MVK: variants seen among roughly 807,000 people sequenced by gnomAD.
MVK encodes the protein LH receptor mRNA-binding protein.
Under a neutral mutation model 43.2 loss-of-function variants are expected in MVK, and 34 were observed. That is an observed-to-expected ratio of 0.79 (90% CI 0.60 to 1.05). MVK has a LOEUF of 1.05. Among genes scored for constraint, MVK ranks in the 50% least tolerant of loss-of-function variants. MVK has a pLI of 0.00. For synonymous variants in MVK, 190 were observed against 219.8 expected (o/e 0.86, Z 1.20); for missense variants, 395 against 504.0 (o/e 0.78, Z 2.07).
chr12:109,574,321 C>G (rs1391274539), intron 1 of MVK, among the ~76,000 whole-genome samples: 1 of 152,152 alleles, frequency 6.6e-6, no homozygotes, highest in Non-Finnish European at 1.5e-5. Flanking sequence ...TTGGAAACAG[C>G]CTAAATGTCC....
At chr12:109,590,338 C>T (rs1001161330) in intron 7 of MVK, 1 of 321,320 alleles carries the variant, frequency 3.1e-6, no homozygotes, top group Non-Finnish European at 6.1e-6. Context: ...GGTTCCGCCA[C>T]CTCCAGGCTC....
chr12:109,592,810 T>G (rs1885741272), intron 9 of MVK, among the ~76,000 whole-genome samples: 1 of 152,180 alleles, frequency 6.6e-6, no homozygotes, highest in African/African-American at 2.4e-5. Flanking sequence ...TCCATCGAAT[T>G]CCTGTGTTTC....
chr12:109,581,793 C>T (rs931582996), intron 5 of MVK, among the ~76,000 whole-genome samples: 2 of 152,200 alleles, frequency 1.3e-5, no homozygotes, highest in African/African-American at 4.8e-5. Flanking sequence ...CACCTCTGCT[C>T]ACCCCCATCT....
chr12:109,580,559 C>T (rs527753907), intron 4 of MVK, among the ~76,000 whole-genome samples: 249 of 152,256 alleles, frequency 1.6e-3, no homozygotes, highest in African/African-American at 5.6e-3. Context: ...TGATACTTGC[C>T]GTCCGAAGCA....
chr12:109,586,504 G>T (rs544166166), intron 6 of MVK, among the ~76,000 whole-genome samples: 2 of 152,318 alleles, frequency 1.3e-5, no homozygotes, highest in South Asian at 4.1e-4. Flanking sequence ...CATGTGGCTT[G>T]TCGGGGGAAG....
intron 8 of MVK, 102 bp downstream of exon 8, chr12:109,590,963 G>T: frequency 8.0e-7 from 1 of 1,254,302 alleles, no homozygotes; most frequent in Non-Finnish European, 1.1e-6. Context: ...TAGGGGGTGT[G>T]GTGGGTGGTG....
At chr12:109,591,467 G>A in intron 9 of MVK, 110 bp downstream of exon 9, 1 of 1,024,712 alleles carries the variant, frequency 9.8e-7, no homozygotes, top group Non-Finnish European at 1.5e-6. Flanking sequence ...GCACATAGAG[G>A]TCAGGACCTG....
At position 109,573,892 on chromosome 12, in the gene MVK, G is replaced by A; in HGVS notation, c.-15+19G>A. ...GCGGCAGGTGAGAGGCCGGGGTCGG[G>A]CGGCCGGGCGGCGCGAGGTCCTAGA... On this transcript the variant is annotated intron_variant, in intron 1 of 10. Coordinates refer to ENST00000228510, the MANE Select transcript of MVK (RefSeq NM_000431.4). 1.0e-5 allele frequency: 2 copies of A among 194,266 alleles called. No individual in the cohort carries two copies. Among genetic ancestry groups the A allele is most frequent in the South Asian group, 1.9e-4 (2 of 10,268 alleles). 12.0% of individuals were successfully genotyped at this position (194,266 alleles called of 1,614,324 possible). A position where few individuals can be genotyped will look rare whatever the true frequency, so the allele number is the denominator to read the frequency against.
intron 9 of MVK, among the ~76,000 whole-genome samples, chr12:109,592,839 C>CT (rs1885742287): frequency 6.6e-6 from 1 of 152,212 alleles, no homozygotes; most frequent in Non-Finnish European, 1.5e-5. Context: ...TTCCCTCAGT[C>CT]TTTGTCTTCC....
rs574045811 is a variant in MVK, at chr12:109,591,304, G to C, written c.832G>C (p.Val278Leu). 3.7e-6 allele frequency: 6 copies of C among 1,614,072 alleles called. No homozygotes were observed. Among genetic ancestry groups the C allele is most frequent in the Non-Finnish European group, 5.1e-6 (6 of 1,180,050 alleles). Residue 278 changes from valine to leucine, a missense_variant, in exon 9 of 11, where the codon GTG becomes CTG. Coordinates refer to ENST00000228510, the MANE Select transcript of MVK (RefSeq NM_000431.4). The part of the protein sequence containing the change: ...IDAISLECER[V>L]LGEMGEAPAP... The stretch of plus-strand genomic sequence containing the variant: ...TGCCATCTCCCTGGAGTGTGAGCGC[G>C]TGCTGGGAGAGATGGGGGAAGCCCC...
chr12:109,585,992 C>T (rs2136236625), intron 5 of MVK, 30 bp from the exon 6 acceptor site: 2 of 1,592,220 alleles, frequency 1.3e-6, no homozygotes, highest in Non-Finnish European at 1.7e-6. Context: ...TCCTCACTGC[C>T]ACAGTAAAGA....
intron 1 of MVK, among the ~76,000 whole-genome samples, chr12:109,574,092 G>A (rs1884801861): frequency 6.6e-6 from 1 of 152,196 alleles, no homozygotes; most frequent in Non-Finnish European, 1.5e-5. Context: ...GATCACGATA[G>A]TACTTAGCTC....
At chr12:109,585,973 C>T (rs377534819) in intron 5 of MVK, 49 bp from the exon 6 acceptor site, 1 of 1,531,086 alleles carries the variant, frequency 6.5e-7, no homozygotes, top group Non-Finnish European at 9.0e-7. Flanking sequence ...GACCCCTCCC[C>T]AGCCCCACTC....
At chr12:109,588,149 G>C (rs1885521125) in intron 7 of MVK, 1 of 152,292 alleles carries the variant, frequency 6.6e-6, no homozygotes, top group Non-Finnish European at 1.5e-5. Context: ...GATCATGTGG[G>C]GGAGTCTCAA....
At position 109,591,298 on chromosome 12, in the gene MVK, G is replaced by C; in HGVS notation, c.826G>C (p.Glu276Gln). Residue 276 changes from glutamate to glutamine, a missense_variant, in exon 9 of 11, where the codon GAG becomes CAG. Glu to Gln is a conservative substitution (Grantham distance 29, BLOSUM62 2). Transcript: ENST00000228510. ...TSIDAISLECERVLGEMGEAP... is the reference protein window; with the variant it reads ...TSIDAISLECQRVLGEMGEAP... ...AATAGATGCCATCTCCCTGGAGTGT[G>C]AGCGCGTGCTGGGAGAGATGGGGGA... 2 of 1,614,218 alleles carry C rather than the reference G, an allele frequency of 1.2e-6. No individual in the cohort carries two copies. Among genetic ancestry groups the C allele is most frequent in the Non-Finnish European group, 1.7e-6 (2 of 1,180,054 alleles).
intron 7 of MVK, 149 bp downstream of exon 7, chr12:109,586,948 G>A (rs1885461056): frequency 1.1e-6 from 1 of 877,030 alleles, no homozygotes; most frequent in Non-Finnish European, 1.8e-6. Context: ...CTAGCTGCAA[G>A]GAAGCAGGGG....
chr12:109,573,622 A>G, upstream of MVK: 1 of 1,004,510 alleles, frequency 1.0e-6, no homozygotes, highest in Non-Finnish European at 1.5e-6. Context: ...GGACACTCCC[A>G]GGGACTTGTT....
At position 109,595,266 on chromosome 12, in the gene MVK, G is replaced by A. The variant is rs1885869933; in HGVS notation, c.1039+85G>A. 6.4e-7 allele frequency: 1 copy of A among 1,566,930 alleles called. No homozygotes were observed. The highest frequency in any genetic ancestry group is 1.4e-5 in the African/African-American group (1 of 73,508). ...GAGAATTCCCTTGAAAGGAAAAAGA[G>A]ACCTGGAAACAGGTCTCAGCTCCGC... On this transcript the variant is annotated intron_variant, in intron 10 of 10. Transcript: ENST00000228510. This position sits in a 1 kb window ranked among gnomAD's most constrained non-coding sequence, Gnocchi z 5.9.
At chr12:109,588,536 G>A (rs1430312095) in intron 7 of MVK, 1 of 152,432 alleles carries the variant, frequency 6.6e-6, no homozygotes, top group African/African-American at 2.4e-5. Context: ...GCTGGGCGGA[G>A]GCGCTGGGTC....
Sources: allele counts gnomAD v4.1 joint callset (sites outside exome capture counted in the v4.1 genomes callset), GRCh38; gene constraint gnomAD v4.1.1; non-coding constraint Gnocchi (gnomAD v3.1); transcripts MANE v1.5; gene names NCBI Gene and HGNC (gene_info 2026-07-23, HGNC 2026-07-21).